Variants in SIN3A observed in about 807,000 individuals in gnomAD.
The protein encoded by SIN3A is paired amphipathic helix protein Sin3a.
Under a neutral mutation model 146.1 loss-of-function variants are expected in SIN3A, and 14 were observed. The observed-to-expected ratio is 0.10, with a 90% CI of 0.06 to 0.15. The LOEUF is 0.15. Ranked by LOEUF, SIN3A falls within the 10% of genes least tolerant of loss-of-function variation. SIN3A has a pLI of 1.00. For missense variants in SIN3A, 1,028 were observed against 1,576.0 expected, an observed-to-expected ratio of 0.65 and a Z score of 5.89; for synonymous variants, 572 against 572.0, an observed-to-expected ratio of 1.00 and a Z score of 0.00.
intron 3 of SIN3A, chr15:75,415,382 G>C (rs1277930886): frequency 6.4e-6 from 1 of 155,120 alleles, no homozygotes; most frequent in Non-Finnish European, 1.4e-5. Flanking sequence ...ACCGATCAAA[G>C]CCCACATGCC....
In SIN3A at chr15:75,380,791, T is replaced by C. The variant is rs889490276; in HGVS notation, c.3289-68A>G. On this transcript the variant is annotated intron_variant, in intron 18 of 20. Coordinates refer to ENST00000394947, the MANE Select transcript of SIN3A (RefSeq NM_001145358.2). ...AAACAGCTCCTAATGCATTGGGCACTCTAGTAAATTCTATGATTACAATGC... is the reference window on the plus strand; with the variant it reads ...AAACAGCTCCTAATGCATTGGGCACCCTAGTAAATTCTATGATTACAATGC... 10 of 1,012,062 alleles carry C rather than the reference T, an allele frequency of 9.9e-6. 1 individual carries two copies. Among genetic ancestry groups the C allele is most frequent in the African/African-American group, 4.7e-5 (3 of 63,388 alleles). 62.7% of individuals were successfully genotyped at this position (1,012,062 alleles called of 1,614,324 possible).
intron 3 of SIN3A, chr15:75,420,312 C>CA (rs1371157112): frequency 6.7e-6 from 1 of 149,852 alleles, no homozygotes; most frequent in South Asian, 2.1e-4. Context: ...CTACCAAAGA[C>CA]AAAAAACAAA....
chr15:75,451,132 C>A (rs1030115588), intron 1 of SIN3A, among the ~76,000 whole-genome samples: 7 of 151,282 alleles, frequency 4.6e-5, no homozygotes, highest in East Asian at 2.0e-4. Flanking sequence ...AGCGCGAAGC[C>A]GGCCCCGCCC....
chr15:75,413,762 C>T (rs2073686542), intron 4 of SIN3A, among the ~76,000 whole-genome samples: 1 of 152,096 alleles, frequency 6.6e-6, no homozygotes, highest in Non-Finnish European at 1.5e-5. Context: ...TGTAATAATT[C>T]TACCAAGCAG....
intron 1 of SIN3A, chr15:75,436,478 A>G (rs926367215): frequency 6.6e-6 from 1 of 152,168 alleles, no homozygotes; most frequent in Non-Finnish European, 1.5e-5. Context: ...AAACAATATT[A>G]AACTCTAGAT....
rs371600473 is a variant in SIN3A at position 75,434,944 on chromosome 15, G to T, written c.-33-4536C>A. Among the ~76,000 whole-genome samples, 19 of 149,476 alleles carry T rather than the reference G, an allele frequency of 1.3e-4. No individual in the cohort carries two copies. The East Asian group carries it at 3.7e-3, about 29-fold the overall frequency. On this transcript the variant is annotated intron_variant, in intron 1 of 20. Coordinates refer to ENST00000394947, the MANE Select transcript of SIN3A (RefSeq NM_001145358.2). The stretch of plus-strand genomic sequence containing the variant: ...GCCTGGGCAACAAGAGCAAAACTCC[G>T]CCTCAAGAAAAAAAAAAGTAATTTA...
At chr15:75,379,121 G>A (rs559591608) in intron 19 of SIN3A, among the ~76,000 whole-genome samples, 17 of 151,986 alleles carry the variant, frequency 1.1e-4, no homozygotes, top group African/African-American at 3.1e-4. Flanking sequence ...GGATGGTCTC[G>A]ATCTCCTGAT....
chr15:75,434,804 C>T (rs182661767), intron 1 of SIN3A, among the ~76,000 whole-genome samples: 2 of 151,444 alleles, frequency 1.3e-5, no homozygotes, highest in East Asian at 1.9e-4. Flanking sequence ...CAAAATTAGC[C>T]GGGCATGGTG....
At chr15:75,418,310 G>A (rs904671767) in intron 3 of SIN3A, among the ~76,000 whole-genome samples, 9 of 150,948 alleles carry the variant, frequency 6.0e-5, no homozygotes, top group African/African-American at 2.2e-4. Flanking sequence ...GATTACAGGC[G>A]TAAGCCACTG....
intron 2 of SIN3A, among the ~76,000 whole-genome samples, chr15:75,426,824 T>G (rs2073932896): frequency 6.6e-6 from 1 of 151,944 alleles, no homozygotes; most frequent in Admixed American, 6.6e-5. Flanking sequence ...CCCAACTACT[T>G]GGGAGACTGA....
intron 17 of SIN3A, among the ~76,000 whole-genome samples, chr15:75,383,264 CCT>C (rs1165237360): frequency 6.7e-6 from 1 of 149,422 alleles, no homozygotes; most frequent in African/African-American, 2.5e-5. Context: ...AGTGTGTGTC[CCT>C]GTCTTAAAAA....
intron 20 of SIN3A, 110 bp downstream of exon 20, chr15:75,375,555 C>T: frequency 4.9e-6 from 4 of 821,640 alleles, no homozygotes; most frequent in Non-Finnish European, 8.1e-6. Context: ...AGTCTCAGCT[C>T]CAAGAACAGG....
intron 12 of SIN3A, 108 bp downstream of exon 12, chr15:75,399,932 A>C (rs2073379901): frequency 5.7e-6 from 4 of 704,258 alleles, no homozygotes; most frequent in Non-Finnish European, 1.0e-5. Flanking sequence ...CCATAGAAGA[A>C]TGTGAGCCTT....
rs993758890 is a variant in SIN3A at position 75,375,608 on chromosome 15, C to T, written c.3591+57G>A. 9 of 1,394,022 alleles carry T rather than the reference C, an allele frequency of 6.5e-6. No individual in the cohort carries two copies. The Admixed American group carries it at 6.7e-5, about 10-fold the overall frequency. 86.4% of individuals were successfully genotyped at this position (1,394,022 alleles called of 1,614,324 possible). ...AAACAATCAGAAGACTCTGGGCCTC[C>T]CCTGGTCCTAGCTAGGGTGGGAGAT... On this transcript the variant is annotated intron_variant, in intron 20 of 20. Coordinates refer to ENST00000394947, the MANE Select transcript of SIN3A (RefSeq NM_001145358.2).
rs146318685 is a variant in SIN3A at position 75,427,329 on chromosome 15, C to T, written c.189+2858G>A. Reference sequence around the variant, plus strand: ...CAGAGGTTGCAGTGAGCCAAGATCACGCCACTGCACTCCAGCTGGGGCGAC... The same window carrying T: ...CAGAGGTTGCAGTGAGCCAAGATCATGCCACTGCACTCCAGCTGGGGCGAC... On this transcript the variant is annotated intron_variant, in intron 2 of 20. Transcript: ENST00000394947. Among the ~76,000 whole-genome samples the T allele has an allele frequency of 6.2e-3, 944 of 151,224 alleles. 19 individuals carry two copies. The highest frequency in any genetic ancestry group is 0.022 in the African/African-American group (894 of 41,184).
chr15:75,401,947 T>C lies in SIN3A; in HGVS notation c.1431A>G (p.Ala477=), dbSNP rs201820297. The change falls in exon 10 of 21, where the codon GCA becomes GCG. Residue 477 remains alanine, a synonymous_variant. Coordinates refer to ENST00000394947, the MANE Select transcript of SIN3A (RefSeq NM_001145358.2). The part of the protein sequence containing the change: ...FDKVRKALRS[A]EAYENFLRCL... ...AGCGTAGGAAATTTTCGTAGGCTTC[T>C]GCACTCCGAAGAGCCTTTCGGACCT... 3.5e-5 allele frequency: 56 copies of C among 1,613,168 alleles called. No homozygotes were observed. In the East Asian group the frequency reaches 8.7e-4, roughly 25 times the overall value.
intron 16 of SIN3A, among the ~76,000 whole-genome samples, chr15:75,385,205 T>C (rs2073055694): frequency 6.6e-6 from 1 of 152,164 alleles, no homozygotes; most frequent in Non-Finnish European, 1.5e-5. Flanking sequence ...TCTATGTCTA[T>C]ATTCCCAGGC....
At chr15:75,426,496 T>C (rs1273260761) in intron 2 of SIN3A, among the ~76,000 whole-genome samples, 1 of 152,232 alleles carries the variant, frequency 6.6e-6, no homozygotes, top group East Asian at 1.9e-4. Flanking sequence ...CAGCCGTACA[T>C]TTTTAAGGTC....
In SIN3A at chr15:75,400,781, T is replaced by A. The variant is rs549324463; in HGVS notation, c.1686A>T (p.Pro562=). Reference sequence around the variant, plus strand: ...TACACTTGGGCTGCTGGTAACTCTTTGGTAAGGCTCGATAGCTGGAGCCCA... The same window carrying A: ...TACACTTGGGCTGCTGGTAACTCTTAGGTAAGGCTCGATAGCTGGAGCCCA... The part of the protein sequence containing the change: ...KRLGSSYRAL[P]KSYQQPKCTG... The change falls in exon 11 of 21, where the codon CCA becomes CCT. Residue 562 remains proline, a synonymous_variant. Transcript: ENST00000394947. 1.9e-5 allele frequency: 31 copies of A among 1,614,066 alleles called. No homozygotes were observed. The highest frequency in any genetic ancestry group is 2.5e-5 in the Non-Finnish European group (29 of 1,180,024).
Sources: allele counts gnomAD v4.1 joint callset (sites outside exome capture counted in the v4.1 genomes callset), GRCh38; gene constraint gnomAD v4.1.1; transcripts MANE v1.5; gene names NCBI Gene and HGNC (gene_info 2026-07-23, HGNC 2026-07-21).